The following FHIT variants were observed in gnomAD, a reference collection of about 807,000 sequenced individuals.
FHIT encodes the protein fragile histidine triad diadenosine triphosphatase.
In FHIT, 19 loss-of-function variants were observed where a neutral mutation model predicts 17.9. The observed-to-expected ratio is 1.06, with a 90% CI of 0.74 to 1.56. The LOEUF is 1.56. Ranked by LOEUF, FHIT falls within the 40% of genes most tolerant of loss-of-function variation. The pLI is 0.00. For missense variants in FHIT, 248 were observed against 189.2 expected (o/e 1.31, Z -1.82); for synonymous variants, 81 against 69.7 (o/e 1.16, Z -0.81).
Position 60,888,328 on chromosome 3 carries a change from A to G in FHIT, c.-110-66317T>C, listed in dbSNP as rs944847936. On this transcript the variant is annotated intron_variant, in intron 3 of 9. Coordinates refer to ENST00000492590, the MANE Select transcript of FHIT (RefSeq NM_002012.4). ...TTCCTGAGTGTTTCAAAAGGCAGCAAGGTGGCGAGGATACAAGGGAAAGCC... is the reference window on the plus strand; with the variant it reads ...TTCCTGAGTGTTTCAAAAGGCAGCAGGGTGGCGAGGATACAAGGGAAAGCC... Among the ~76,000 whole-genome samples the G allele has an allele frequency of 5.3e-5, 8 of 152,338 alleles. 1 individual carries two copies. Among genetic ancestry groups the G allele is most frequent in the African/African-American group, 1.9e-4 (8 of 41,578 alleles).
intron 3 of FHIT, among the ~76,000 whole-genome samples, chr3:60,858,892 C>A (rs1050971293): frequency 6.6e-6 from 1 of 152,112 alleles, no homozygotes; most frequent in Non-Finnish European, 1.5e-5. Context: ...GCTGCAATGC[C>A]TAAGTGCAAC....
chr3:60,391,850 G>C (rs1701245132), intron 5 of FHIT, among the ~76,000 whole-genome samples: 1 of 152,040 alleles, frequency 6.6e-6, no homozygotes. Flanking sequence ...GCCTGATAAT[G>C]CATTATTATA....
chr3:60,378,878 A>G (rs1421903506), intron 5 of FHIT, among the ~76,000 whole-genome samples: 1 of 152,214 alleles, frequency 6.6e-6, no homozygotes, highest in Non-Finnish European at 1.5e-5. Context: ...GTAAGGTGAA[A>G]AAAGATCAAA....
At chr3:60,894,582 G>A (rs1187523249) in intron 3 of FHIT, among the ~76,000 whole-genome samples, 1 of 152,054 alleles carries the variant, frequency 6.6e-6, no homozygotes, top group East Asian at 1.9e-4. Flanking sequence ...TGGAGGCCAA[G>A]TGCAGTCACT....
intron 4 of FHIT, chr3:60,765,427 A>G (rs1553721141): frequency 6.6e-6 from 1 of 152,206 alleles, no homozygotes; most frequent in Non-Finnish European, 1.5e-5. Flanking sequence ...CATTTCATCA[A>G]AAATGATTAG....
chr3:60,501,495 G>A (rs890891324), intron 5 of FHIT, among the ~76,000 whole-genome samples: 6 of 152,160 alleles, frequency 3.9e-5, no homozygotes, highest in Middle Eastern at 3.4e-3. Context: ...AAATCTTGAC[G>A]GTCTAAGCTA....
At chr3:60,848,385 G>C (rs1283808842) in intron 3 of FHIT, among the ~76,000 whole-genome samples, 1 of 152,034 alleles carries the variant, frequency 6.6e-6, no homozygotes. Flanking sequence ...TTAGACTTTT[G>C]GAAAGTCATG....
chr3:60,978,942 T>C (rs1332875221), intron 3 of FHIT, among the ~76,000 whole-genome samples: 1 of 152,220 alleles, frequency 6.6e-6, no homozygotes, highest in Non-Finnish European at 1.5e-5. Flanking sequence ...TCGAATACTT[T>C]TCTGACTCCA....
At chr3:60,627,011 T>A (rs931855120) in intron 4 of FHIT, among the ~76,000 whole-genome samples, 5 of 152,176 alleles carry the variant, frequency 3.3e-5, no homozygotes, top group Non-Finnish European at 7.4e-5. Flanking sequence ...AGTTTTCATA[T>A]GTTAAAATGA....
At chr3:60,068,353 C>G (rs1213322320) in intron 5 of FHIT, among the ~76,000 whole-genome samples, 1 of 152,178 alleles carries the variant, frequency 6.6e-6, no homozygotes, top group Non-Finnish European at 1.5e-5. Context: ...TTCTTAACAG[C>G]ACAGTTTAAG....
At chr3:60,306,301 T>TC (rs773196761) in intron 5 of FHIT, among the ~76,000 whole-genome samples, 17 of 152,106 alleles carry the variant, frequency 1.1e-4, no homozygotes, top group Non-Finnish European at 8.8e-5. Flanking sequence ...AAAACATATC[T>TC]CCCCTAAGTC....
chr3:59,990,310 C>G (rs1477719908), intron 7 of FHIT, among the ~76,000 whole-genome samples: 1 of 152,026 alleles, frequency 6.6e-6, no homozygotes, highest in Non-Finnish European at 1.5e-5. Flanking sequence ...TTTTCAGTGC[C>G]AAGCACCATG....
intron 5 of FHIT, among the ~76,000 whole-genome samples, chr3:60,441,024 T>A (rs1463885434): frequency 1.3e-5 from 2 of 152,146 alleles, no homozygotes; most frequent in African/African-American, 4.8e-5. Context: ...TTCTTGGAAA[T>A]CAGCATGTTC....
intron 5 of FHIT, among the ~76,000 whole-genome samples, chr3:60,363,320 G>T (rs545475447): frequency 1.3e-5 from 2 of 152,136 alleles, no homozygotes; most frequent in African/African-American, 2.4e-5. Flanking sequence ...CTATAATTTT[G>T]CTTGATCTTT....
chr3:60,151,766 T>A (rs1700474719), intron 5 of FHIT, among the ~76,000 whole-genome samples: 1 of 152,190 alleles, frequency 6.6e-6, no homozygotes, highest in South Asian at 2.1e-4. Context: ...GTCTCCCTTT[T>A]GAATCCATTC....
chr3:60,012,577 G>C (rs1700184921), intron 6 of FHIT, among the ~76,000 whole-genome samples: 2 of 152,002 alleles, frequency 1.3e-5, no homozygotes, highest in South Asian at 2.1e-4. Flanking sequence ...CCAGAAATCA[G>C]ATCTTAATAG....
intron 5 of FHIT, among the ~76,000 whole-genome samples, chr3:60,026,775 A>G (rs1323718906): frequency 1.3e-5 from 2 of 152,214 alleles, no homozygotes; most frequent in African/African-American, 4.8e-5. Flanking sequence ...TAGACAGCAC[A>G]GAACACTATA....
intron 4 of FHIT, among the ~76,000 whole-genome samples, chr3:60,754,212 C>T (rs559839207): frequency 1.2e-4 from 18 of 152,274 alleles, no homozygotes; most frequent in African/African-American, 4.1e-4. Context: ...CACTCTTTCT[C>T]GGCCCCCTGC....
chr3:60,138,528 A>G (rs1282267157), intron 5 of FHIT, among the ~76,000 whole-genome samples: 1 of 152,182 alleles, frequency 6.6e-6, no homozygotes, highest in Non-Finnish European at 1.5e-5. Flanking sequence ...AAGGTTCCAT[A>G]GCAAGTTCCA....
Sources: gnomAD v4.1 joint callset for allele counts (sites outside exome capture counted in the v4.1 genomes callset) on GRCh38, gnomAD v4.1.1 for gene constraint, MANE v1.5 for transcripts, NCBI Gene and HGNC (gene_info 2026-07-23, HGNC 2026-07-21) for gene names.